The following CACNG2 variants were observed in gnomAD, a reference collection of about 807,000 sequenced individuals.
CACNG2 encodes the protein voltage-dependent calcium channel gamma-2 subunit.
CACNG2 carries 3 observed loss-of-function variants against 25.9 expected under a neutral mutation model. The observed-to-expected ratio is 0.12, with a 90% CI of 0.05 to 0.30. CACNG2 has a LOEUF of 0.30. CACNG2 is among the 10% of genes least tolerant of loss of function. The pLI is 1.00. For synonymous variants in CACNG2, 167 were observed against 173.3 expected, an observed-to-expected ratio of 0.96 and a Z score of 0.29; for missense variants, 341 against 432.5, an observed-to-expected ratio of 0.79 and a Z score of 1.88.
chr22:36,648,816 C>A (rs565219936), intron 1 of CACNG2, among the ~76,000 whole-genome samples: 1 of 152,190 alleles, frequency 6.6e-6, no homozygotes, highest in South Asian at 2.1e-4. Context: ...CATCCATCAG[C>A]GAGTCTTGTC....
chr22:36,620,609 G>T (rs1258864632), intron 1 of CACNG2, among the ~76,000 whole-genome samples: 4 of 152,178 alleles, frequency 2.6e-5, no homozygotes, highest in Non-Finnish European at 4.4e-5. Flanking sequence ...TGTGGGCCTT[G>T]GCCAAGTTAC....
intron 1 of CACNG2, among the ~76,000 whole-genome samples, chr22:36,651,932 C>T (rs1294691239): frequency 4.6e-5 from 7 of 152,108 alleles, no homozygotes; most frequent in African/African-American, 1.4e-4. Context: ...GGCGTGATCT[C>T]GGCTCACTGC....
chr22:36,561,842 G>A lies in CACNG2; in HGVS notation c.*2509C>T, dbSNP rs1224418663. ...AAACACAGGATGCCCTTGACCTTTA[G>A]TCTGTGGTGCAAGTTTAACTTTTGG... On this transcript the variant is annotated 3_prime_UTR_variant, in exon 4 of 4. Transcript: ENST00000300105. 1 of 152,282 alleles carries A rather than the reference G, an allele frequency of 6.6e-6. No individual in the cohort carries two copies. Among genetic ancestry groups the A allele is most frequent in the Non-Finnish European group, 1.5e-5 (1 of 68,092 alleles). 9.4% of individuals were successfully genotyped at this position (152,282 alleles called of 1,614,324 possible).
At chr22:36,610,931 G>A (rs1282755169) in intron 1 of CACNG2, among the ~76,000 whole-genome samples, 4 of 152,244 alleles carry the variant, frequency 2.6e-5, no homozygotes, top group Non-Finnish European at 5.9e-5. Flanking sequence ...ACTCCCCGTG[G>A]CTCTGGTCAG....
chr22:36,698,804 A>C (rs886648856), intron 1 of CACNG2, among the ~76,000 whole-genome samples: 1 of 152,178 alleles, frequency 6.6e-6, no homozygotes, highest in African/African-American at 2.4e-5. Flanking sequence ...TGCTTCCTCT[A>C]CAGGCCACAT....
intron 1 of CACNG2, among the ~76,000 whole-genome samples, chr22:36,673,688 A>C (rs1321338806): frequency 2.6e-5 from 4 of 152,120 alleles, no homozygotes; most frequent in African/African-American, 9.7e-5. Flanking sequence ...GCCAGAGCAG[A>C]GGACCGCAGG....
chr22:36,661,159 C>T (rs2034001630), intron 1 of CACNG2, among the ~76,000 whole-genome samples: 1 of 152,200 alleles, frequency 6.6e-6, no homozygotes, highest in African/African-American at 2.4e-5. Flanking sequence ...ATTCAGTCTC[C>T]TATCAGTCTC....
chr22:36,582,670 A>G (rs555794285), intron 2 of CACNG2, among the ~76,000 whole-genome samples: 1 of 151,702 alleles, frequency 6.6e-6, no homozygotes, highest in East Asian at 1.9e-4. Flanking sequence ...TGGCCTCCCA[A>G]AGTGCTGAGA....
chr22:36,580,016 C>A (rs1440716028), intron 2 of CACNG2, among the ~76,000 whole-genome samples: 1 of 152,240 alleles, frequency 6.6e-6, no homozygotes. Flanking sequence ...TGGGATGCGA[C>A]AGTGAACACG....
chr22:36,588,071 C>T (rs1935532961), intron 1 of CACNG2, among the ~76,000 whole-genome samples: 1 of 152,232 alleles, frequency 6.6e-6, no homozygotes, highest in Admixed American at 6.5e-5. Flanking sequence ...AACCCAGCCG[C>T]CAACTGCTCT....
chr22:36,584,173 C>T (rs549386198), intron 2 of CACNG2, among the ~76,000 whole-genome samples: 19 of 152,266 alleles, frequency 1.2e-4, no homozygotes, highest in South Asian at 1.0e-3. Context: ...CAGCTGGGGC[C>T]GGGCGTGGTG....
At chr22:36,588,442 A>G (rs147018007) in intron 1 of CACNG2, among the ~76,000 whole-genome samples, 26 of 152,280 alleles carry the variant, frequency 1.7e-4, no homozygotes, top group African/African-American at 5.8e-4. Flanking sequence ...AAAAACCGAT[A>G]AGTAGCACAG....
At chr22:36,655,526 GT>G (rs1936689325) in intron 1 of CACNG2, among the ~76,000 whole-genome samples, 1 of 152,192 alleles carries the variant, frequency 6.6e-6, no homozygotes, top group Non-Finnish European at 1.5e-5. Flanking sequence ...GGGACCAACT[GT>G]GTTTTATCGC....
intron 1 of CACNG2, among the ~76,000 whole-genome samples, chr22:36,622,297 C>T (rs965302525): frequency 2.6e-5 from 4 of 152,234 alleles, no homozygotes; most frequent in African/African-American, 9.6e-5. Context: ...TCCCGCAGGG[C>T]TTGTGGAAAT....
chr22:36,597,011 CAG>C (rs1240951717), intron 1 of CACNG2, among the ~76,000 whole-genome samples: 1 of 151,812 alleles, frequency 6.6e-6, no homozygotes, highest in Non-Finnish European at 1.5e-5. Flanking sequence ...CTCAGCCACT[CAG>C]AGTTCCTTCT....
chr22:36,690,238 G>A lies in CACNG2; in HGVS notation c.211+12128C>T, dbSNP rs576247681. On this transcript the variant is annotated intron_variant, in intron 1 of 3. Coordinates refer to ENST00000300105, the MANE Select transcript of CACNG2 (RefSeq NM_006078.5). ...GCCATGTAAGCCACGTAAGACACTC[G>A]GGAGCAGTGGGGACTCAGGGGGAAG... Among the ~76,000 whole-genome samples, 156 of 152,314 alleles carry A rather than the reference G, an allele frequency of 1.0e-3. 2 individuals carry two copies. The highest frequency in any genetic ancestry group is 1.9e-3 in the Non-Finnish European group (128 of 68,020).
rs555162159 is a variant in CACNG2, at chr22:36,605,838, C to G, written c.212-18290G>C. On this transcript the variant is annotated intron_variant, in intron 1 of 3. Coordinates refer to ENST00000300105, the MANE Select transcript of CACNG2 (RefSeq NM_006078.5). ...TTACACTCTGCTGTGCCAAGAGAGCCTGCCCAAGGAGCTATGGGAACCGCA... is the reference window on the plus strand; with the variant it reads ...TTACACTCTGCTGTGCCAAGAGAGCGTGCCCAAGGAGCTATGGGAACCGCA... Among the ~76,000 whole-genome samples the G allele has an allele frequency of 1.1e-4, 16 of 152,304 alleles. No homozygotes were observed. The South Asian group carries it at 2.9e-3, about 28-fold the overall frequency.
chr22:36,690,238 G>C (rs576247681), intron 1 of CACNG2, among the ~76,000 whole-genome samples: 1 of 152,198 alleles, frequency 6.6e-6, no homozygotes, highest in Non-Finnish European at 1.5e-5. Context: ...TAAGACACTC[G>C]GGAGCAGTGG....
At chr22:36,609,663 C>T (rs1603501562) in intron 1 of CACNG2, among the ~76,000 whole-genome samples, 1 of 118,508 alleles carries the variant, frequency 8.4e-6, no homozygotes, top group African/African-American at 3.7e-5. Flanking sequence ...ATCAGCCCCC[C>T]AGAGCGTGAT....
Sources: gnomAD v4.1 joint callset for allele counts (sites outside exome capture counted in the v4.1 genomes callset) on GRCh38, gnomAD v4.1.1 for gene constraint, MANE v1.5 for transcripts, NCBI Gene and HGNC (gene_info 2026-07-23, HGNC 2026-07-21) for gene names.